The following SREBF2 variants were observed in gnomAD, a reference collection of about 807,000 sequenced individuals.
SREBF2 encodes sterol regulatory element-binding protein 2.
A neutral mutation model predicts 113.1 loss-of-function variants in SREBF2; 55 were observed. That is an observed-to-expected ratio of 0.49 (90% CI 0.39 to 0.61). The LOEUF (loss-of-function observed/expected upper bound fraction) is 0.61, where lower values mean the gene tolerates loss of function less well. Ranked by LOEUF, SREBF2 falls within the 20% of genes least tolerant of loss-of-function variation. The probability of loss-of-function intolerance (pLI) is 0.00; values close to 1 mark genes in which losing one functional copy is unlikely to be tolerated. For missense variants in SREBF2, 1,349 were observed against 1,487.4 expected (o/e 0.91, Z 1.53); for synonymous variants, 593 against 605.7 (o/e 0.98, Z 0.31).
At position 41,850,307 on chromosome 22, in the gene SREBF2, G is replaced by T. The variant is rs148593316; in HGVS notation, c.89-16524G>T. On this transcript the variant is annotated intron_variant, in intron 1 of 18. Transcript: ENST00000361204. ...TACTAAAAATACCAAAAATTAGCCAGGTGTGGTGGCGGGCACCTGTAGTCC... is the reference window on the plus strand; with the variant it reads ...TACTAAAAATACCAAAAATTAGCCATGTGTGGTGGCGGGCACCTGTAGTCC... 3.4e-4 allele frequency among the ~76,000 whole-genome samples: 51 copies of T among 152,054 alleles called. 1 individual carries two copies. In the East Asian group the frequency reaches 9.5e-3, roughly 28 times the overall value.
chr22:41,856,326 G>A lies in SREBF2; in HGVS notation c.89-10505G>A, dbSNP rs536799403. 4.0e-5 allele frequency among the ~76,000 whole-genome samples: 6 copies of A among 151,898 alleles called. 1 individual carries two copies. The highest frequency in any genetic ancestry group is 2.6e-4 in the Admixed American group (4 of 15,244). On this transcript the variant is annotated intron_variant, in intron 1 of 18. Coordinates refer to ENST00000361204, the MANE Select transcript of SREBF2 (RefSeq NM_004599.4). ...GTATTTTTTGTAGAGATGGAGTCTC[G>A]CTATGTTGCCCAAGCTGGTCTCAAA...
At chr22:41,893,053 C>T (rs2077379420) in intron 11 of SREBF2, 64 bp from the exon 12 acceptor site, 2 of 1,595,044 alleles carry the variant, frequency 1.3e-6, no homozygotes, top group Non-Finnish European at 8.5e-7. Context: ...TTTCTGCACC[C>T]CACAGTGGCT....
rs1287033475 is a variant in SREBF2, at chr22:41,867,181, C to G, written c.439C>G (p.Gln147Glu). ...GCCTCAACCTCAAACTCAGCTGCAA[C>G]AACAGACGGTAATGATCACGCCAAC... ...PQPQPQTQLQ[Q>E]QTVMITPTFS... is the part of the protein sequence containing the mutation. Residue 147 changes from glutamine (Q) to glutamate (E), a missense_variant, in exon 2 of 19, where the codon CAA becomes GAA. Gln to Glu is a conservative substitution (Grantham distance 29). Coordinates refer to ENST00000361204, the MANE Select transcript of SREBF2 (RefSeq NM_004599.4). The G allele has an allele frequency of 6.2e-7, 1 of 1,614,220 alleles. No homozygotes were observed. Among genetic ancestry groups the G allele is most frequent in the Non-Finnish European group, 8.5e-7 (1 of 1,180,044 alleles).
Position 41,900,489 on chromosome 22 carries a change from C to T in SREBF2, c.2898C>T (p.Ala966=), listed in dbSNP as rs1199405403. The T allele has an allele frequency of 3.1e-6, 5 of 1,612,930 alleles. No individual in the cohort carries two copies. The African/African-American group carries it at 6.7e-5, about 22-fold the overall frequency. Residue 966 remains alanine (A), a synonymous_variant, in exon 16 of 19, where the codon GCC becomes GCT. Transcript: ENST00000361204. ...LNVSGATSDP[A]LNHVVQLLTC... ...TCAGTGGGGCCACCTCTGACCCTGC[C>T]CTCAACCACGTGAGTGGGAGCTGAG...
chr22:41,874,950 GGTT>G (rs1255183601), intron 5 of SREBF2, among the ~76,000 whole-genome samples: 1 of 152,150 alleles, frequency 6.6e-6, no homozygotes, highest in Admixed American at 6.5e-5. Flanking sequence ...ACAATGCTGT[GGTT>G]GTTTTTTTCA....
At chr22:41,888,379 T>C (rs2077319710) in intron 11 of SREBF2, among the ~76,000 whole-genome samples, 1 of 152,254 alleles carries the variant, frequency 6.6e-6, no homozygotes, top group African/African-American at 2.4e-5. Context: ...GCAGAACCTG[T>C]TATTTTAAAA....
chr22:41,883,904 T>C (rs1012179317), intron 10 of SREBF2, among the ~76,000 whole-genome samples: 1 of 152,202 alleles, frequency 6.6e-6, no homozygotes, highest in Non-Finnish European at 1.5e-5. Context: ...CCAGCAACAG[T>C]ATGAAAGCCT....
rs1023893042 is a variant in SREBF2 at position 41,906,684 on chromosome 22, G to C, written c.*1024G>C. On this transcript the variant is annotated 3_prime_UTR_variant, in exon 19 of 19. Transcript: ENST00000361204. Reference sequence around the variant, plus strand: ...AGGAAGTAACCCCATGGTAAGTTGAGGCATATCTGTATATATTTAAACCTA... The same window carrying C: ...AGGAAGTAACCCCATGGTAAGTTGACGCATATCTGTATATATTTAAACCTA... The C allele has an allele frequency of 6.6e-6, 1 of 152,216 alleles. No individual in the cohort carries two copies. Among genetic ancestry groups the C allele is most frequent in the Non-Finnish European group, 1.5e-5 (1 of 68,076 alleles). 9.4% of individuals were successfully genotyped at this position (152,216 alleles called of 1,614,324 possible).
At chr22:41,896,371 GTTTT>G (rs1040533330) in intron 13 of SREBF2, among the ~76,000 whole-genome samples, 1 of 151,914 alleles carries the variant, frequency 6.6e-6, no homozygotes, top group African/African-American at 2.4e-5. Flanking sequence ...TTTTTGGGGG[GTTTT>G]TTGAGACAGT....
intron 15 of SREBF2, among the ~76,000 whole-genome samples, chr22:41,899,761 A>C (rs934856387): frequency 3.3e-5 from 5 of 152,180 alleles, no homozygotes; most frequent in African/African-American, 1.2e-4. Context: ...CTCGCTCCAG[A>C]GCAGCAGAGC....
At position 41,833,364 on chromosome 22, in the gene SREBF2, T is replaced by G. The variant is rs1349112528; in HGVS notation, c.88+6T>G. On this transcript the variant is annotated splice_donor_region_variant and intron_variant, in intron 1 of 18. Transcript: ENST00000361204. The surrounding 1 kb of genome is among the most constrained non-coding windows in gnomAD (Gnocchi z 4.1). The stretch of plus-strand genomic sequence containing the variant: ...GACCCTGGGAGACATCGACGGTGAG[T>G]GGTGGGTGGGTGGGAGTGCGGGGGC... 6 of 319,230 alleles carry G rather than the reference T, an allele frequency of 1.9e-5. No individual in the cohort carries two copies. Among genetic ancestry groups the G allele is most frequent in the Admixed American group, 3.7e-5 (1 of 26,876 alleles). The allele number at this position is 319,230 out of a possible 1,614,324, so 19.8% of individuals were successfully genotyped here. A position where few individuals can be genotyped will look rare whatever the true frequency, so the allele number is the denominator to read the frequency against.
At chr22:41,901,935 C>T (rs1466110104) in intron 16 of SREBF2, among the ~76,000 whole-genome samples, 2 of 152,244 alleles carry the variant, frequency 1.3e-5, no homozygotes, top group African/African-American at 4.8e-5. Context: ...AGAATCCAGA[C>T]ATAGGCCTGC....
At chr22:41,841,345 A>G (rs575861097) in intron 1 of SREBF2, among the ~76,000 whole-genome samples, 81 of 152,338 alleles carry the variant, frequency 5.3e-4, no homozygotes, top group Admixed American at 1.0e-3. Context: ...TTTGGGTTGA[A>G]AGAGCTGCTG....
intron 4 of SREBF2, 110 bp downstream of exon 4, chr22:41,871,145 A>G (rs2077136903): frequency 4.3e-6 from 6 of 1,405,662 alleles, no homozygotes; most frequent in Non-Finnish European, 4.9e-6. Flanking sequence ...GAGGGTCTAT[A>G]GCACAAATCA....
Position 41,833,236 on chromosome 22 carries a change from G to T in SREBF2, c.-35G>T, listed in dbSNP as rs1350921248. On this transcript the variant is annotated 5_prime_UTR_variant, in exon 1 of 19. Coordinates refer to ENST00000361204, the MANE Select transcript of SREBF2 (RefSeq NM_004599.4). The surrounding 1 kb of genome is among the most constrained non-coding windows in gnomAD (Gnocchi z 4.1). ...CACCGCCCCCGCGTCTCCCTGAGCG[G>T]GACGGCAGGGGGGGCTTCTGCGCTG... 4 of 1,503,358 alleles carry T rather than the reference G, an allele frequency of 2.7e-6. No homozygotes were observed. The highest frequency in any genetic ancestry group is 2.7e-6 in the Non-Finnish European group (3 of 1,124,778). 93.1% of individuals were successfully genotyped at this position (1,503,358 alleles called of 1,614,324 possible).
At chr22:41,860,167 CAA>C (rs552750924) in intron 1 of SREBF2, among the ~76,000 whole-genome samples, 1 of 148,684 alleles carries the variant, frequency 6.7e-6, no homozygotes, top group Non-Finnish European at 1.5e-5. Context: ...AGAGAAATAA[CAA>C]AGTGGGGGAA....
intron 11 of SREBF2, among the ~76,000 whole-genome samples, chr22:41,892,860 C>T (rs1024681274): frequency 2.0e-5 from 3 of 152,176 alleles, no homozygotes; most frequent in Non-Finnish European, 4.4e-5. Flanking sequence ...GGGCCCCACG[C>T]GTGCCTTGTG....
intron 10 of SREBF2, among the ~76,000 whole-genome samples, chr22:41,881,788 C>T (rs73163396): frequency 6.6e-6 from 1 of 152,072 alleles, no homozygotes; most frequent in Non-Finnish European, 1.5e-5. Flanking sequence ...AAGAGTCAGG[C>T]TGGGCATGGT....
chr22:41,868,051 A>G lies in SREBF2; in HGVS notation c.539-560A>G, dbSNP rs537949689. On this transcript the variant is annotated intron_variant, in intron 2 of 18. Transcript: ENST00000361204. ...TGGGCCCTTAGTATGTGTTGAGGGA[A>G]TGGATGACTGAAAGGGGCCTGTTCT... Among the ~76,000 whole-genome samples, 3 of 152,306 alleles carry G rather than the reference A, an allele frequency of 2.0e-5. No individual in the cohort carries two copies. The South Asian group carries it at 6.2e-4, about 32-fold the overall frequency.
Sources: allele counts gnomAD v4.1 joint callset (sites outside exome capture counted in the v4.1 genomes callset), GRCh38; gene constraint gnomAD v4.1.1; non-coding constraint Gnocchi (gnomAD v3.1); transcripts MANE v1.5; gene names NCBI Gene and HGNC (gene_info 2026-07-23, HGNC 2026-07-21).